PDZD2: variants seen among roughly 807,000 people sequenced by gnomAD.
The protein encoded by PDZD2 is PDZ domain-containing protein 2.
In PDZD2, 90 loss-of-function variants were observed where a neutral mutation model predicts 220.7. The observed-to-expected ratio is 0.41, with a 90% CI of 0.34 to 0.49. The LOEUF (loss-of-function observed/expected upper bound fraction) is 0.49, where lower values mean the gene tolerates loss of function less well. Among genes scored for constraint, PDZD2 ranks in the 20% least tolerant of loss-of-function variants. The pLI, the probability that PDZD2 is intolerant of heterozygous loss-of-function variation, is 0.28. For missense variants in PDZD2, 3,174 were observed against 3,608.5 expected (o/e 0.88, Z 3.08); for synonymous variants, 1,375 against 1,450.5 (o/e 0.95, Z 1.18).
In PDZD2 at chr5:31,653,860, C is replaced by T. The variant is rs143443669; in HGVS notation, c.-361+14423C>T. Among the ~76,000 whole-genome samples, 817 of 152,288 alleles carry T rather than the reference C, an allele frequency of 5.4e-3. 10 individuals carry two copies. Among genetic ancestry groups the T allele is most frequent in the African/African-American group, 0.019 (794 of 41,546 alleles). ...AGTGCAGTGGCGCGATCTCAGCTCACTGCAACCTCCACCTCCCAGGTTCAA... is the reference window on the plus strand; with the variant it reads ...AGTGCAGTGGCGCGATCTCAGCTCATTGCAACCTCCACCTCCCAGGTTCAA... On this transcript the variant is annotated intron_variant, in intron 1 of 24. Transcript: ENST00000438447.
At chr5:31,955,750 T>C (rs370960112) in intron 2 of PDZD2, among the ~76,000 whole-genome samples, 9 of 151,690 alleles carry the variant, frequency 5.9e-5, no homozygotes, top group African/African-American at 1.9e-4. Context: ...GCAGTCTTAA[T>C]TTTTTCTTAA....
chr5:31,925,439 T>C (rs543006158), intron 2 of PDZD2, among the ~76,000 whole-genome samples: 88 of 152,254 alleles, frequency 5.8e-4, no homozygotes, highest in African/African-American at 2.1e-3. Context: ...ACCCCTACCT[T>C]TTACCATCTT....
chr5:31,840,944 C>T, intron 2 of PDZD2: 1 of 467,018 alleles, frequency 2.1e-6, no homozygotes, highest in South Asian at 4.4e-5. Flanking sequence ...TACTGGGTGT[C>T]TCTCCTCTTT....
chr5:32,100,740 G>A, intron 23 of PDZD2: 1 of 445,728 alleles, frequency 2.2e-6, no homozygotes, highest in South Asian at 1.8e-5. Context: ...CAAATTTGGA[G>A]TCCCCAAGTG....
intron 19 of PDZD2, among the ~76,000 whole-genome samples, chr5:32,078,437 C>T (rs1354925457): frequency 6.6e-5 from 10 of 151,922 alleles, no homozygotes; most frequent in Admixed American, 6.6e-4. Flanking sequence ...TAAGACCAGC[C>T]TGGCCAACAT....
intron 4 of PDZD2, among the ~76,000 whole-genome samples, chr5:31,999,120 G>C (rs181020419): frequency 6.6e-6 from 1 of 152,244 alleles, no homozygotes; most frequent in African/African-American, 2.4e-5. Context: ...AGAAAGTTGA[G>C]TCAGGCATAA....
chr5:31,964,075 T>C (rs1172544732), intron 2 of PDZD2, among the ~76,000 whole-genome samples: 1 of 152,242 alleles, frequency 6.6e-6, no homozygotes, highest in African/African-American at 2.4e-5. Flanking sequence ...TTTCCAGACA[T>C]GGCTACAGTT....
intron 2 of PDZD2, among the ~76,000 whole-genome samples, chr5:31,869,218 G>A (rs1382092457): frequency 6.6e-6 from 1 of 152,192 alleles, no homozygotes; most frequent in African/African-American, 2.4e-5. Flanking sequence ...TGAGAGGCTG[G>A]ACTTGGTCAG....
rs1561499073 is a variant in PDZD2, at chr5:31,840,423, TA to T, written c.476+40700del. 670 of 123,176 alleles carry T rather than the reference TA, an allele frequency of 5.4e-3. 43 individuals carry two copies. The highest frequency in any genetic ancestry group is 0.015 in the African/African-American group (489 of 31,920). The allele number at this position is 123,176 out of a possible 1,614,324, so 7.6% of individuals were successfully genotyped here. On this transcript the variant is annotated intron_variant, in intron 2 of 24. Coordinates refer to ENST00000438447, the MANE Select transcript of PDZD2 (RefSeq NM_178140.4). The stretch of plus-strand genomic sequence containing the variant: ...ATATATATATATATATATATATATA[TA>T]TATATATATATATATATATATATAT...
intron 1 of PDZD2, chr5:31,743,851 G>A (rs1409938681): frequency 2.0e-5 from 3 of 152,202 alleles, no homozygotes; most frequent in South Asian, 4.1e-4. Flanking sequence ...TGCATGATGT[G>A]TAGTTTGCTA....
At chr5:31,885,868 C>A (rs7726832) in intron 2 of PDZD2, among the ~76,000 whole-genome samples, 1 of 151,110 alleles carries the variant, frequency 6.6e-6, no homozygotes, top group African/African-American at 2.4e-5. Context: ...AAGCATTATC[C>A]GTATAGTTTG....
chr5:31,777,061 G>T (rs1307324762), intron 1 of PDZD2, among the ~76,000 whole-genome samples: 1 of 152,168 alleles, frequency 6.6e-6, no homozygotes, highest in African/African-American at 2.4e-5. Context: ...TGGGCTGGCC[G>T]AGCCTGGAGC....
At chr5:31,736,713 T>C (rs1400523689) in intron 1 of PDZD2, among the ~76,000 whole-genome samples, 2 of 152,134 alleles carry the variant, frequency 1.3e-5, no homozygotes, top group Non-Finnish European at 2.9e-5. Context: ...CCACTGATAG[T>C]GTGGATATTT....
intron 5 of PDZD2, among the ~76,000 whole-genome samples, chr5:32,006,616 A>G (rs1752827126): frequency 6.7e-6 from 1 of 150,200 alleles, no homozygotes; most frequent in Non-Finnish European, 1.5e-5. Flanking sequence ...CCCTCAAGCG[A>G]TCTGCCTACC....
intron 1 of PDZD2, among the ~76,000 whole-genome samples, chr5:31,659,113 A>G (rs961621580): frequency 1.3e-5 from 2 of 152,072 alleles, no homozygotes; most frequent in African/African-American, 4.8e-5. Flanking sequence ...CTTCTCTGAC[A>G]CCACTTCTCA....
intron 2 of PDZD2, among the ~76,000 whole-genome samples, chr5:31,965,421 ATGT>A (rs1286216178): frequency 6.6e-6 from 1 of 151,454 alleles, no homozygotes; most frequent in Middle Eastern, 3.2e-3. Context: ...GGGCACCATG[ATGT>A]TCTACACACG....
chr5:31,923,302 C>G (rs1177428010), intron 2 of PDZD2: 1 of 652,512 alleles, frequency 1.5e-6, no homozygotes, highest in Non-Finnish European at 2.8e-6. Flanking sequence ...AATAACTTCT[C>G]CCTTTCGGAT....
At chr5:32,084,258 C>G (rs572231382) in intron 19 of PDZD2, among the ~76,000 whole-genome samples, 5 of 152,358 alleles carry the variant, frequency 3.3e-5, no homozygotes, top group African/African-American at 1.2e-4. Flanking sequence ...GGGCTCTCCA[C>G]ACAGAGGCCA....
intron 1 of PDZD2, among the ~76,000 whole-genome samples, chr5:31,716,255 G>C (rs1748436919): frequency 6.6e-6 from 1 of 152,184 alleles, no homozygotes; most frequent in Admixed American, 6.5e-5. Flanking sequence ...TCAGCCATCT[G>C]TTTTAAAATG....
Sources: allele counts gnomAD v4.1 joint callset (sites outside exome capture counted in the v4.1 genomes callset), GRCh38; gene constraint gnomAD v4.1.1; transcripts MANE v1.5; gene names NCBI Gene and HGNC (gene_info 2026-07-23, HGNC 2026-07-21).